CAST: variants seen among roughly 807,000 people sequenced by gnomAD.
CAST encodes the protein MIR583 host.
Under a neutral mutation model 119.6 loss-of-function variants are expected in CAST, and 76 were observed. The observed-to-expected ratio is 0.64, with a 90% CI of 0.53 to 0.77. CAST has a LOEUF of 0.77. CAST is among the 30% of genes least tolerant of loss of function. CAST has a pLI of 0.00. For missense variants in CAST, 953 were observed against 946.5 expected, an observed-to-expected ratio of 1.01 and a Z score of -0.09; for synonymous variants, 319 against 331.6, an observed-to-expected ratio of 0.96 and a Z score of 0.41.
the CAST span, among the ~76,000 whole-genome samples, chr5:96,252,049 G>C: frequency 2.0e-5 from 3 of 152,138 alleles, no homozygotes; most frequent in Non-Finnish European, 4.4e-5. Flanking sequence ...ATAGGTAGAT[G>C]AGTGCAAATT....
the CAST span, among the ~76,000 whole-genome samples, chr5:95,975,599 G>A: frequency 1.1e-4 from 17 of 152,256 alleles, no homozygotes; most frequent in Non-Finnish European, 2.2e-4. Flanking sequence ...GTTGAGCTTC[G>A]GGGTTCCAGA....
At chr5:96,171,984 C>T in the CAST span, among the ~76,000 whole-genome samples, 1 of 148,074 alleles carries the variant, frequency 6.8e-6, no homozygotes, top group African/African-American at 2.5e-5. Flanking sequence ...TCACTCACAT[C>T]CGTGTGAAGA....
chr5:96,317,497 A>G, the CAST span, among the ~76,000 whole-genome samples: 1 of 151,182 alleles, frequency 6.6e-6, no homozygotes, highest in African/African-American at 2.4e-5. Flanking sequence ...AAAAAAAAAA[A>G]AAAAGAATGG....
chr5:96,688,640 ACT>A (rs2150286005), intron 2 of CAST, among the ~76,000 whole-genome samples: 1 of 151,954 alleles, frequency 6.6e-6, no homozygotes, highest in African/African-American at 2.4e-5. Flanking sequence ...CATATAACAT[ACT>A]TATAATATGT....
At chr5:96,770,764 T>C (rs1238238200) in intron 30 of CAST, among the ~76,000 whole-genome samples, 162 bp downstream of exon 30, 1 of 152,212 alleles carries the variant, frequency 6.6e-6, no homozygotes, top group African/African-American at 2.4e-5. Context: ...TGAATTTGTA[T>C]AAATACATAT....
the CAST span, among the ~76,000 whole-genome samples, chr5:96,297,404 G>A: frequency 6.6e-6 from 1 of 152,198 alleles, no homozygotes; most frequent in Non-Finnish European, 1.5e-5. Flanking sequence ...CCAACCAGAT[G>A]TAGCAGTGTG....
the CAST span, among the ~76,000 whole-genome samples, chr5:96,112,797 C>T: frequency 6.6e-6 from 1 of 152,172 alleles, no homozygotes; most frequent in Non-Finnish European, 1.5e-5. Context: ...AACAACTGGA[C>T]AAAATCATGT....
At chr5:96,283,571 A>G in the CAST span, among the ~76,000 whole-genome samples, 6 of 152,146 alleles carry the variant, frequency 3.9e-5, no homozygotes, top group African/African-American at 1.4e-4. Flanking sequence ...TTTCATCTTT[A>G]CTGATGAACA....
chr5:96,558,799 T>C (rs1746296760), intron 1 of CAST, among the ~76,000 whole-genome samples: 1 of 152,176 alleles, frequency 6.6e-6, no homozygotes, highest in Admixed American at 6.5e-5. Flanking sequence ...CTAGTACCAT[T>C]CCTTCTGAAA....
chr5:96,490,467 G>A, the CAST span, among the ~76,000 whole-genome samples: 6 of 152,050 alleles, frequency 3.9e-5, no homozygotes, highest in Admixed American at 3.9e-4. Context: ...CAGTCTAGAA[G>A]AAGAACTGCA....
intron 1 of CAST, among the ~76,000 whole-genome samples, chr5:96,555,775 C>T (rs796615433): frequency 9.9e-5 from 15 of 152,218 alleles, no homozygotes; most frequent in African/African-American, 3.6e-4. Flanking sequence ...GGCCTGCCTG[C>T]CTCTGTAGAC....
rs1237522076 is a variant in CAST at position 96,665,775 on chromosome 5, TACAAACATATAC to T, written c.75+3280_75+3291del. On this transcript the variant is annotated intron_variant, in intron 1 of 31. Coordinates refer to ENST00000675179, the MANE Select transcript of CAST (RefSeq NM_001750.7). ...ACACACACACATATACATACACACA[TACAAACATATAC>T]AATCCAATATACATATATGTGCATA... Among the ~76,000 whole-genome samples the T allele has an allele frequency of 2.0e-5, 3 of 151,080 alleles. No homozygotes were observed. In the East Asian group the frequency reaches 5.9e-4, roughly 30 times the overall value.
chr5:96,041,984 G>A, the CAST span, among the ~76,000 whole-genome samples: 11 of 152,262 alleles, frequency 7.2e-5, no homozygotes, highest in Admixed American at 2.0e-4. Context: ...GGTGAGCAGG[G>A]ACTTAAGACA....
At chr5:96,729,532 G>A in intron 7 of CAST, 80 bp from the exon 8 acceptor site, 1 of 700,998 alleles carries the variant, frequency 1.4e-6, no homozygotes, top group South Asian at 1.6e-5. Context: ...ATAGAGAAAA[G>A]TATCAGTATT....
the CAST span, among the ~76,000 whole-genome samples, chr5:96,346,345 G>A: frequency 6.6e-6 from 1 of 152,160 alleles, no homozygotes; most frequent in Non-Finnish European, 1.5e-5. Context: ...CATCTAATTT[G>A]AATATCAGGC....
At chr5:95,961,516 C>A in the CAST span, 1 of 1,405,412 alleles carries the variant, frequency 7.1e-7, no homozygotes, top group East Asian at 3.0e-5. Context: ...CGGGCGCGGC[C>A]AGGCCGTGAG....
the CAST span, among the ~76,000 whole-genome samples, chr5:96,444,722 G>T: frequency 1.3e-5 from 2 of 151,898 alleles, no homozygotes; most frequent in Non-Finnish European, 2.9e-5. Context: ...ATGCTAGGGG[G>T]TTTTATTTGT....
At chr5:96,657,894 C>T (rs979155451), upstream of CAST, among the ~76,000 whole-genome samples, 5 of 152,108 alleles carry the variant, frequency 3.3e-5, no homozygotes, top group African/African-American at 7.2e-5. Context: ...GTCAGGAGTT[C>T]GAGACCAGCC....
chr5:96,377,072 G>A, the CAST span, among the ~76,000 whole-genome samples: 1 of 151,896 alleles, frequency 6.6e-6, no homozygotes, highest in Non-Finnish European at 1.5e-5. Context: ...CATAAAGGAA[G>A]AATATATTTT....
Sources: gnomAD v4.1 joint callset for allele counts (sites outside exome capture counted in the v4.1 genomes callset) on GRCh38, gnomAD v4.1.1 for gene constraint, MANE v1.5 for transcripts, NCBI Gene and HGNC (gene_info 2026-07-23, HGNC 2026-07-21) for gene names.